RABL2A: variants seen among roughly 807,000 people sequenced by gnomAD.
The protein encoded by RABL2A is rab-like protein 2A.
In RABL2A, 17 loss-of-function variants were observed where a neutral mutation model predicts 30.7. The ratio of observed to expected loss-of-function variants is 0.55; its 90% CI spans 0.38 to 0.83. The LOEUF (loss-of-function observed/expected upper bound fraction) is 0.83. Ranked by LOEUF, RABL2A falls within the 40% of genes least tolerant of loss-of-function variation. The pLI is 0.00. For synonymous variants in RABL2A, 64 were observed against 101.8 expected, an observed-to-expected ratio of 0.63 and a Z score of 2.24; for missense variants, 155 against 272.6, an observed-to-expected ratio of 0.57 and a Z score of 3.04.
intron 2 of RABL2A, among the ~76,000 whole-genome samples, chr2:113,631,126 C>A (rs1680164485): frequency 6.6e-6 from 1 of 151,988 alleles, no homozygotes; most frequent in Non-Finnish European, 1.5e-5. Flanking sequence ...AATTCCTAAC[C>A]TCAAGTGATC....
Position 113,643,255 on chromosome 2 carries a change from GC to G in RABL2A, c.*1128del, listed in dbSNP as rs1430339370. 1 of 378,976 alleles carries G rather than the reference GC, an allele frequency of 2.6e-6. No individual in the cohort carries two copies. Among genetic ancestry groups the G allele is most frequent in the African/African-American group, 2.2e-5 (1 of 46,302 alleles). The allele number at this position is 378,976 out of a possible 1,614,324, so 23.5% of individuals were successfully genotyped here. ...CTGCAAGAGGAGAGCTAGCAGATAT[GC>G]CTGTTCACCCCTCTCTGGTACTTGT... is the stretch of plus-strand genomic sequence containing the variant. On this transcript the variant is annotated 3_prime_UTR_variant, in exon 9 of 9. Transcript: ENST00000683472.
chr2:113,635,064 G>A lies in RABL2A; in HGVS notation c.231G>A (p.Thr77=), dbSNP rs537217921. The change falls in exon 5 of 9, where the codon ACG becomes ACA. Residue 77 remains threonine (T), a synonymous_variant. Transcript: ENST00000683472. ...GKTILVDFWD[T]AGQERFQSMH... is the part of the protein sequence containing the mutation. Reference sequence around the variant, plus strand: ...TTCACATTGCAGACTTTTGGGACACGGCAGGCCAGGAGCGGTTCCAGAGCA... The same window carrying A: ...TTCACATTGCAGACTTTTGGGACACAGCAGGCCAGGAGCGGTTCCAGAGCA... 26 of 1,542,914 alleles carry A rather than the reference G, an allele frequency of 1.7e-5. No homozygotes were observed. Among genetic ancestry groups the A allele is most frequent in the Middle Eastern group, 1.8e-4 (1 of 5,612 alleles).
At chr2:113,628,250 G>A in intron 1 of RABL2A, 1 of 266,226 alleles carries the variant, frequency 3.8e-6, no homozygotes, top group Non-Finnish European at 6.9e-6. Flanking sequence ...ATTTAGGTGT[G>A]AGGAGAGTAA....
chr2:113,639,699 T>TA (rs1391500041), intron 5 of RABL2A, among the ~76,000 whole-genome samples: 2 of 151,010 alleles, frequency 1.3e-5, no homozygotes, highest in African/African-American at 2.4e-5. Context: ...CTACTAAAAA[T>TA]AAAAAAATTA....
chr2:113,634,029 A>C, intron 3 of RABL2A, 124 bp from the exon 4 acceptor site: 1 of 1,454,960 alleles, frequency 6.9e-7, no homozygotes, highest in Admixed American at 2.1e-5. Flanking sequence ...CATTTGATTT[A>C]AAATCTCAAT....
chr2:113,639,237 G>T (rs1574092723), intron 5 of RABL2A, among the ~76,000 whole-genome samples: 1 of 152,316 alleles, frequency 6.6e-6, no homozygotes, highest in East Asian at 1.9e-4. Flanking sequence ...AGTAAGCCAA[G>T]ATTCTGCCAC....
At chr2:113,634,114 C>G (rs1681526363) in intron 3 of RABL2A, 39 bp from the exon 4 acceptor site, 1 of 1,584,144 alleles carries the variant, frequency 6.3e-7, no homozygotes, top group African/African-American at 1.4e-5. Context: ...CCTTCCTTAC[C>G]TCCCCTTTTA....
intron 5 of RABL2A, chr2:113,637,394 CACA>C: frequency 2.0e-5 from 21 of 1,044,462 alleles, no homozygotes; most frequent in Non-Finnish European, 2.4e-5. Flanking sequence ...TGATCCCTTC[CACA>C]ACATGGACTG....
At chr2:113,641,163 A>C (rs534717735) in intron 6 of RABL2A, 158 bp downstream of exon 6, 225 of 879,356 alleles carry the variant, frequency 2.6e-4, no homozygotes, top group Admixed American at 4.6e-4. Flanking sequence ...TTCCCACCTT[A>C]TAAAGAAGCC....
Position 113,641,025 on chromosome 2 carries a change from T to TCA in RABL2A, c.409+20_409+21insCA. 2 of 1,610,212 alleles carry TCA rather than the reference T, an allele frequency of 1.2e-6. No individual in the cohort carries two copies. The highest frequency in any genetic ancestry group is 1.7e-6 in the Non-Finnish European group (2 of 1,177,182). ...TTGATGGTGGGGCCATCCCTGCACC[T>TCA]GGGTGTTAGCAATTCACTGGGGACC... On this transcript the variant is annotated intron_variant, in intron 6 of 8. Coordinates refer to ENST00000683472, the MANE Select transcript of RABL2A (RefSeq NM_001306158.2).
intron 2 of RABL2A, among the ~76,000 whole-genome samples, chr2:113,629,732 G>A (rs1454764687): frequency 3.3e-5 from 5 of 152,100 alleles, no homozygotes; most frequent in Non-Finnish European, 7.3e-5. Flanking sequence ...TAGAGACGGG[G>A]CTTCACCTTG....
chr2:113,640,527 C>T, intron 5 of RABL2A: 2 of 303,512 alleles, frequency 6.6e-6, no homozygotes, highest in Non-Finnish European at 1.3e-5. Context: ...CGGCATGCGC[C>T]ACCACGCCCA....
At chr2:113,627,873 G>A (rs1419879974) in intron 1 of RABL2A, 1 of 163,088 alleles carries the variant, frequency 6.1e-6, no homozygotes, top group African/African-American at 2.4e-5. Context: ...GTGAAAGGGG[G>A]CAGACCCCTC....
chr2:113,641,189 C>T, intron 6 of RABL2A, 164 bp from the exon 7 acceptor site: 3 of 1,158,880 alleles, frequency 2.6e-6, no homozygotes, highest in Non-Finnish European at 3.7e-6. Context: ...AGCCGACCTG[C>T]CCTCTTTCCA....
intron 5 of RABL2A, among the ~76,000 whole-genome samples, chr2:113,636,524 G>A (rs939897671): frequency 2.6e-5 from 4 of 152,142 alleles, no homozygotes; most frequent in Admixed American, 6.5e-5. Context: ...AAGAGAACCC[G>A]GTGGGACTTA....
At chr2:113,630,094 G>A (rs2104504371) in intron 2 of RABL2A, among the ~76,000 whole-genome samples, 1 of 152,248 alleles carries the variant, frequency 6.6e-6, no homozygotes, top group South Asian at 2.1e-4. Context: ...CTCTTTATAT[G>A]CCTCATTTCA....
At chr2:113,629,969 A>G (rs1320763248) in intron 2 of RABL2A, among the ~76,000 whole-genome samples, 1 of 152,178 alleles carries the variant, frequency 6.6e-6, no homozygotes, top group Non-Finnish European at 1.5e-5. Flanking sequence ...CTCAAGTTTA[A>G]AACAACAAAG....
chr2:113,643,247 G>A lies in RABL2A; in HGVS notation c.*1118G>A, dbSNP rs1685762630. On this transcript the variant is annotated 3_prime_UTR_variant, in exon 9 of 9. Transcript: ENST00000683472. ...GCTGAGGACTGCAAGAGGAGAGCTAGCAGATATGCCTGTTCACCCCTCTCT... is the reference window on the plus strand; with the variant it reads ...GCTGAGGACTGCAAGAGGAGAGCTAACAGATATGCCTGTTCACCCCTCTCT... The A allele has an allele frequency of 2.5e-6, 1 of 403,048 alleles. No homozygotes were observed. The highest frequency in any genetic ancestry group is 7.6e-5 in the East Asian group (1 of 13,188). 25.0% of individuals were successfully genotyped at this position (403,048 alleles called of 1,614,324 possible).
chr2:113,632,689 C>T (rs529277369), intron 2 of RABL2A, among the ~76,000 whole-genome samples: 11 of 152,318 alleles, frequency 7.2e-5, no homozygotes, highest in South Asian at 6.2e-4. Flanking sequence ...GAGAGCTTCA[C>T]GTGGGCTGGT....
Sources: allele counts gnomAD v4.1 joint callset (sites outside exome capture counted in the v4.1 genomes callset), GRCh38; gene constraint gnomAD v4.1.1; transcripts MANE v1.5; gene names NCBI Gene and HGNC (gene_info 2026-07-23, HGNC 2026-07-21).